CCDC126: variants seen among roughly 807,000 people sequenced by gnomAD.
CCDC126 encodes coiled-coil domain-containing protein 126.
CCDC126 carries 5 observed loss-of-function variants against 11.7 expected under a neutral mutation model. The observed-to-expected ratio is 0.43, with a 90% CI of 0.22 to 0.90. The LOEUF is 0.90. Ranked by LOEUF, CCDC126 falls within the 40% of genes least tolerant of loss-of-function variation. The pLI, the probability that CCDC126 is intolerant of heterozygous loss-of-function variation, is 0.27. For missense variants in CCDC126, 150 were observed against 163.1 expected (o/e 0.92, Z 0.44); for synonymous variants, 60 against 61.9 (o/e 0.97, Z 0.14).
Position 23,602,792 on chromosome 7 carries a change from A to AT in CCDC126, c.-146+4753dup, listed in dbSNP as rs543808286. 7.2e-4 allele frequency among the ~76,000 whole-genome samples: 105 copies of AT among 145,288 alleles called. 1 individual carries two copies. The South Asian group carries it at 9.3e-3, about 13-fold the overall frequency. ...GGCAGATGTTCCAAGACACATCACC[A>AT]TTTTTTTTTTTTCTTCATAGCAGTT... On this transcript the variant is annotated intron_variant, in intron 2 of 3. Coordinates refer to ENST00000307471, the MANE Select transcript of CCDC126 (RefSeq NM_138771.4).
At chr7:23,622,267 T>C (rs1460459758) in intron 3 of CCDC126, among the ~76,000 whole-genome samples, 1 of 152,226 alleles carries the variant, frequency 6.6e-6, no homozygotes, top group Non-Finnish European at 1.5e-5. Flanking sequence ...GAGCCTGTTA[T>C]TGGTGTATTC....
chr7:23,597,882 A>G (rs1782456254), intron 1 of CCDC126, 85 bp from the exon 2 acceptor site: 1 of 152,144 alleles, frequency 6.6e-6, no homozygotes, highest in Non-Finnish European at 1.5e-5. Flanking sequence ...GGGCTGCGCG[A>G]GTCGAGCGGG....
chr7:23,603,188 A>G lies in CCDC126; in HGVS notation c.-146+5137A>G, dbSNP rs1197602681. Among the ~76,000 whole-genome samples the G allele has an allele frequency of 2.0e-5, 3 of 152,124 alleles. No homozygotes were observed. The East Asian group carries it at 5.8e-4, about 29-fold the overall frequency. On this transcript the variant is annotated intron_variant, in intron 2 of 3. Coordinates refer to ENST00000307471, the MANE Select transcript of CCDC126 (RefSeq NM_138771.4). ...TTTGTGTTTATCTTTGTTTTACTTC[A>G]TATGTTTTTATCTTCTAGTTTTTTG...
At chr7:23,619,455 C>A in intron 3 of CCDC126, 1 of 409,576 alleles carries the variant, frequency 2.4e-6, no homozygotes, top group Non-Finnish European at 4.8e-6. Context: ...AGGATCCCAG[C>A]GCATTAAAGG....
intron 3 of CCDC126, among the ~76,000 whole-genome samples, chr7:23,639,254 C>T (rs1280167566): frequency 1.3e-5 from 2 of 149,626 alleles, no homozygotes; most frequent in Non-Finnish European, 3.0e-5. Flanking sequence ...TGCAGTGGCA[C>T]GATCTCAGCT....
chr7:23,622,687 A>T, intron 3 of CCDC126: 2 of 531,888 alleles, frequency 3.8e-6, no homozygotes, highest in Non-Finnish European at 7.6e-6. Context: ...ACTGCTTAGT[A>T]CAGAGAGTAG....
intron 3 of CCDC126, chr7:23,619,446 G>T: frequency 7.3e-6 from 3 of 411,926 alleles, no homozygotes; most frequent in Non-Finnish European, 4.8e-6. Flanking sequence ...AAGAAGAAAA[G>T]GATCCCAGCG....
intron 3 of CCDC126, chr7:23,622,926 G>A (rs1343133138): frequency 3.5e-5 from 9 of 256,592 alleles, no homozygotes; most frequent in Non-Finnish European, 5.3e-5. Context: ...CTGTTGACCT[G>A]TTTGCTCTGC....
At chr7:23,632,437 T>G (rs948957961) in intron 3 of CCDC126, among the ~76,000 whole-genome samples, 6 of 152,194 alleles carry the variant, frequency 3.9e-5, no homozygotes, top group Non-Finnish European at 8.8e-5. Flanking sequence ...CTGTTCAGTA[T>G]TTGAAGATCA....
At chr7:23,627,999 A>T (rs1406439247) in intron 3 of CCDC126, among the ~76,000 whole-genome samples, 1 of 152,238 alleles carries the variant, frequency 6.6e-6, no homozygotes, top group Admixed American at 6.5e-5. Flanking sequence ...TAAAATGACC[A>T]AGATTAAAAT....
At chr7:23,605,202 GT>G (rs932445082) in intron 2 of CCDC126, among the ~76,000 whole-genome samples, 1 of 152,110 alleles carries the variant, frequency 6.6e-6, no homozygotes, top group African/African-American at 2.4e-5. Flanking sequence ...AATTTAATGT[GT>G]TTTCCCTAGC....
At chr7:23,637,996 CCTATCCAGGAGGTGAGGAGCG>C (rs2128022408) in intron 3 of CCDC126, among the ~76,000 whole-genome samples, 1 of 133,450 alleles carries the variant, frequency 7.5e-6, no homozygotes. Context: ...GGCCAGCCGC[CCTATCCAGGAGGTGAGGAGCG>C]CCTCTGCCCG....
chr7:23,620,071 A>G (rs543389537), intron 3 of CCDC126, among the ~76,000 whole-genome samples: 4 of 152,120 alleles, frequency 2.6e-5, no homozygotes, highest in Non-Finnish European at 5.9e-5. Context: ...TAGCAGCATG[A>G]TTTATAATCC....
chr7:23,608,780 AAG>A (rs1782659905), intron 2 of CCDC126, among the ~76,000 whole-genome samples: 1 of 152,192 alleles, frequency 6.6e-6, no homozygotes, highest in African/African-American at 2.4e-5. Context: ...GCAATAGAGA[AAG>A]AGTTTAATTC....
intron 3 of CCDC126, among the ~76,000 whole-genome samples, chr7:23,640,188 AAATAAT>A (rs550374161): frequency 3.3e-5 from 5 of 149,350 alleles, no homozygotes; most frequent in African/African-American, 7.4e-5. Context: ...GTCTCAAAAA[AAATAAT>A]AATAATAAAA....
intron 2 of CCDC126, among the ~76,000 whole-genome samples, chr7:23,607,807 T>C (rs1782645572): frequency 6.6e-6 from 1 of 152,166 alleles, no homozygotes; most frequent in African/African-American, 2.4e-5. Context: ...CCTTCACCCC[T>C]TCCCCTTCAA....
At chr7:23,634,504 A>G (rs909014542) in intron 3 of CCDC126, among the ~76,000 whole-genome samples, 1 of 152,246 alleles carries the variant, frequency 6.6e-6, no homozygotes. Context: ...GACATGTGAC[A>G]TAAGTAGGGG....
chr7:23,598,804 A>G (rs1316490426), intron 2 of CCDC126, among the ~76,000 whole-genome samples: 1 of 152,222 alleles, frequency 6.6e-6, no homozygotes, highest in African/African-American at 2.4e-5. Flanking sequence ...TGGCTACGGA[A>G]ATAGGAGTCC....
At chr7:23,600,346 A>G (rs902014131) in intron 2 of CCDC126, among the ~76,000 whole-genome samples, 2 of 144,356 alleles carry the variant, frequency 1.4e-5, no homozygotes, top group Non-Finnish European at 3.0e-5. Flanking sequence ...AGACCTTATT[A>G]TGGAGCGAAT....
Sources: gnomAD v4.1 joint callset for allele counts (sites outside exome capture counted in the v4.1 genomes callset) on GRCh38, gnomAD v4.1.1 for gene constraint, MANE v1.5 for transcripts, NCBI Gene and HGNC (gene_info 2026-07-23, HGNC 2026-07-21) for gene names.